The following ASCC3 variants were observed in gnomAD, a reference collection of about 807,000 sequenced individuals.
The protein encoded by ASCC3 is activating signal cointegrator 1 complex subunit 3, also known as ASC-1 complex subunit P200.
In ASCC3, 158 loss-of-function variants were observed where a neutral mutation model predicts 256.3. The observed-to-expected ratio is 0.62, with a 90% CI of 0.54 to 0.70. ASCC3 has a LOEUF of 0.70. ASCC3 is among the 30% of genes least tolerant of loss of function. The pLI, the probability that ASCC3 is intolerant of heterozygous loss-of-function variation, is 0.00. For missense variants in ASCC3, 2,259 were observed against 2,626.0 expected (o/e 0.86, Z 3.05); for synonymous variants, 948 against 883.4 (o/e 1.07, Z -1.30).
chr6:100,854,154 CT>C lies in ASCC3; in HGVS notation c.242-5448del, dbSNP rs76423006. On this transcript the variant is annotated intron_variant, in intron 3 of 41. Coordinates refer to ENST00000369162, the MANE Select transcript of ASCC3 (RefSeq NM_006828.4). Reference sequence around the variant, plus strand: ...TGATGCTACAAGAACAAGCCAGGTACTTTTTTTTTTTTTTTTGAGGGGGAGA... The same window carrying C: ...TGATGCTACAAGAACAAGCCAGGTACTTTTTTTTTTTTTTTGAGGGGGAGA... Among the ~76,000 whole-genome samples the C allele has an allele frequency of 3.2e-3, 442 of 136,312 alleles. 2 individuals are homozygous for C. The highest frequency in any genetic ancestry group is 7.6e-3 in the Middle Eastern group (2 of 264). 89.4% of individuals were successfully genotyped at this position (136,312 alleles called of 152,430 possible). A position where few individuals can be genotyped will look rare whatever the true frequency, so the allele number is the denominator to read the frequency against.
chr6:100,531,078 C>T, intron 37 of ASCC3: 3 of 1,335,386 alleles, frequency 2.2e-6, no homozygotes, highest in Non-Finnish European at 1.1e-6. Flanking sequence ...CTAGAACGTA[C>T]ATAGTCTGTA....
chr6:100,786,431 G>A (rs1191363065), intron 8 of ASCC3, among the ~76,000 whole-genome samples: 1 of 152,118 alleles, frequency 6.6e-6, no homozygotes, highest in African/African-American at 2.4e-5. Flanking sequence ...AGTTTGGAAA[G>A]TTTAAACTCA....
chr6:100,686,499 T>C, intron 13 of ASCC3, among the ~76,000 whole-genome samples: 1 of 152,202 alleles, frequency 6.6e-6, no homozygotes, highest in Admixed American at 6.5e-5. Context: ...CTGTTTTTCC[T>C]TTTTCACTGA....
At chr6:100,758,374 C>T (rs1781282918) in intron 10 of ASCC3, among the ~76,000 whole-genome samples, 1 of 152,138 alleles carries the variant, frequency 6.6e-6, no homozygotes, top group African/African-American at 2.4e-5. Flanking sequence ...CCCCTCACCC[C>T]CCAAACCCCA....
chr6:100,619,394 T>G (rs114186033), intron 30 of ASCC3, among the ~76,000 whole-genome samples: 4,613 of 152,296 alleles, frequency 0.03, 77 homozygotes, highest in African/African-American at 0.055. Flanking sequence ...TTGGGCTATT[T>G]TTTTATAATA....
intron 4 of ASCC3, among the ~76,000 whole-genome samples, chr6:100,813,326 C>T (rs79808796): frequency 6.6e-5 from 10 of 151,886 alleles, no homozygotes; most frequent in Non-Finnish European, 1.5e-5. Flanking sequence ...GGCTTGGTGG[C>T]GCATGCTTAT....
chr6:100,631,590 T>TA (rs987381109), intron 25 of ASCC3, among the ~76,000 whole-genome samples: 1 of 151,852 alleles, frequency 6.6e-6, no homozygotes, highest in African/African-American at 2.4e-5. Flanking sequence ...AGGGTTCTGA[T>TA]AAAAAATTTT....
intron 14 of ASCC3, among the ~76,000 whole-genome samples, chr6:100,676,400 A>T (rs1250734971): frequency 3.3e-5 from 5 of 152,172 alleles, no homozygotes; most frequent in Non-Finnish European, 7.4e-5. Context: ...AACCTTCTAG[A>T]GGTAAAATCA....
chr6:100,643,976 A>C, intron 23 of ASCC3, 55 bp downstream of exon 23: 1 of 1,148,770 alleles, frequency 8.7e-7, no homozygotes, highest in Non-Finnish European at 1.3e-6. Context: ...AGAAACTGTT[A>C]GTATAATTTT....
intron 36 of ASCC3, among the ~76,000 whole-genome samples, chr6:100,582,524 G>A (rs373948135): frequency 0.016 from 2,366 of 151,898 alleles, 22 homozygotes; most frequent in East Asian, 0.045. Context: ...CAATCATGTC[G>A]TCTGCAAACA....
At chr6:100,521,080 T>C (rs949594837) in intron 37 of ASCC3, among the ~76,000 whole-genome samples, 1 of 152,156 alleles carries the variant, frequency 6.6e-6, no homozygotes, top group Non-Finnish European at 1.5e-5. Flanking sequence ...ATTACAGTGA[T>C]TGTAACAACA....
chr6:100,746,794 ATATAGT>A (rs1780700711), intron 10 of ASCC3, among the ~76,000 whole-genome samples: 1 of 152,212 alleles, frequency 6.6e-6, no homozygotes, highest in East Asian at 1.9e-4. Flanking sequence ...AAAACTTAAC[ATATAGT>A]TATAAAATCA....
chr6:100,852,281 G>A (rs1395628669), intron 3 of ASCC3, among the ~76,000 whole-genome samples: 2 of 152,160 alleles, frequency 1.3e-5, no homozygotes, highest in Non-Finnish European at 2.9e-5. Context: ...AATTGGAAGG[G>A]AAACACTAAG....
chr6:100,661,352 C>T (rs1444914395), intron 16 of ASCC3, among the ~76,000 whole-genome samples: 6 of 151,170 alleles, frequency 4.0e-5, no homozygotes, highest in Non-Finnish European at 5.9e-5. Flanking sequence ...CACACACACA[C>T]ACACACAAAA....
At chr6:100,805,403 C>G (rs1455092386) in intron 5 of ASCC3, among the ~76,000 whole-genome samples, 1 of 151,878 alleles carries the variant, frequency 6.6e-6, no homozygotes, top group East Asian at 1.9e-4. Context: ...AACTACCTGT[C>G]AAGAACTATG....
chr6:100,689,341 TGTATTA>T (rs1777729225), intron 13 of ASCC3, among the ~76,000 whole-genome samples: 1 of 152,182 alleles, frequency 6.6e-6, no homozygotes, highest in African/African-American at 2.4e-5. Flanking sequence ...GGTAGGTAAT[TGTATTA>T]GTATTTTACA....
chr6:100,614,258 T>C (rs1773547918), intron 30 of ASCC3, among the ~76,000 whole-genome samples: 2 of 152,074 alleles, frequency 1.3e-5, no homozygotes, highest in African/African-American at 2.4e-5. Context: ...TTTTCGAAAG[T>C]AGTATATTGT....
At chr6:100,681,724 T>TGAAA (rs1284297143) in intron 13 of ASCC3, among the ~76,000 whole-genome samples, 1 of 17,422 alleles carries the variant, frequency 5.7e-5, no homozygotes, top group Non-Finnish European at 1.0e-4. Flanking sequence ...AGACTCCGTC[T>TGAAA]CAAAAAAAAA....
chr6:100,589,525 A>G, intron 36 of ASCC3, 109 bp downstream of exon 36: 1 of 1,324,052 alleles, frequency 7.6e-7, no homozygotes, highest in East Asian at 2.4e-5. Flanking sequence ...CTTGTTTGAC[A>G]GAGGAAAGGG....
Sources: allele counts gnomAD v4.1 joint callset (sites outside exome capture counted in the v4.1 genomes callset), GRCh38; gene constraint gnomAD v4.1.1; transcripts MANE v1.5; gene names NCBI Gene and HGNC (gene_info 2026-07-23, HGNC 2026-07-21).